The following PAQR5 variants were observed in gnomAD, a reference collection of about 807,000 sequenced individuals.
The protein encoded by PAQR5 is membrane progestin receptor gamma.
In PAQR5, 20 loss-of-function variants were observed where a neutral mutation model predicts 34.5. The ratio of observed to expected loss-of-function variants is 0.58; its 90% CI spans 0.41 to 0.84. The LOEUF is 0.84. Ranked by LOEUF, PAQR5 falls within the 40% of genes least tolerant of loss-of-function variation. The pLI, the probability that PAQR5 is intolerant of heterozygous loss-of-function variation, is 0.00. For synonymous variants in PAQR5, 131 were observed against 155.6 expected, an observed-to-expected ratio of 0.84 and a Z score of 1.18; for missense variants, 378 against 412.7, an observed-to-expected ratio of 0.92 and a Z score of 0.73.
At position 69,379,924 on chromosome 15, in the gene PAQR5, A is replaced by G. The variant is rs776127578; in HGVS notation, c.93A>G (p.Pro31=). 1 of 1,614,060 alleles carries G rather than the reference A, an allele frequency of 6.2e-7. No individual in the cohort carries two copies. Among genetic ancestry groups the G allele is most frequent in the African/African-American group, 1.3e-5 (1 of 74,932 alleles). The change falls in exon 4 of 9, where the codon CCA becomes CCG. Residue 31 remains proline (P), a synonymous_variant. Transcript: ENST00000395407. ...GCATCCTGTTCGGCTACCGCCATCC[A>G]CAGAGTTCTGCCACTGCCTGCATCC... is the stretch of plus-strand genomic sequence containing the variant. ...EQGILFGYRH[P]QSSATACILS...
intron 3 of PAQR5, among the ~76,000 whole-genome samples, chr15:69,366,189 ACAAATGG>A (rs2055398357): frequency 6.6e-6 from 1 of 152,220 alleles, no homozygotes; most frequent in African/African-American, 2.4e-5. Flanking sequence ...GATATCTCCC[ACAAATGG>A]GATTGTGCAA....
rs1204219653 is a variant in PAQR5 at position 69,300,948 on chromosome 15, CTTCTTTCTTTCTTTCT to C, written c.-277+1942_-277+1957del. 3.3e-3 allele frequency among the ~76,000 whole-genome samples: 12 copies of C among 3,642 alleles called. 3 individuals are homozygous for C. Among genetic ancestry groups the C allele is most frequent in the Non-Finnish European group, 9.5e-3 (9 of 944 alleles). 2.4% of individuals were successfully genotyped at this position (3,642 alleles called of 152,430 possible). The stretch of plus-strand genomic sequence containing the variant: ...CTCTCTCTCTCTCTCTCTTTCTTTC[CTTCTTTCTTTCTTTCT>C]TTCTTTCTTTCTTTCTTTCTTTCTT... On this transcript the variant is annotated intron_variant, in intron 1 of 8. Transcript: ENST00000395407.
intron 2 of PAQR5, among the ~76,000 whole-genome samples, chr15:69,355,344 T>TTTTC (rs202183150): frequency 1.1e-3 from 64 of 56,216 alleles, no homozygotes; most frequent in African/African-American, 4.3e-3. Flanking sequence ...TTCTTTCTTT[T>TTTTC]TTTCTTTCTT....
At chr15:69,343,603 T>C (rs2054694360) in intron 2 of PAQR5, among the ~76,000 whole-genome samples, 1 of 152,212 alleles carries the variant, frequency 6.6e-6, no homozygotes, top group African/African-American at 2.4e-5. Context: ...TTATTCACAA[T>C]AACTGTCTTT....
At chr15:69,351,636 C>A (rs955597354) in intron 2 of PAQR5, among the ~76,000 whole-genome samples, 1 of 152,198 alleles carries the variant, frequency 6.6e-6, no homozygotes, top group African/African-American at 2.4e-5. Context: ...CCTTATCTTT[C>A]CACAAGAGAT....
intron 1 of PAQR5, among the ~76,000 whole-genome samples, chr15:69,300,395 T>G (rs1247274788): frequency 6.6e-6 from 1 of 152,114 alleles, no homozygotes; most frequent in Admixed American, 6.5e-5. Context: ...CAGCAAAGCT[T>G]CTTTTCCAAC....
chr15:69,324,036 T>G (rs957469288), intron 1 of PAQR5, among the ~76,000 whole-genome samples: 1 of 151,758 alleles, frequency 6.6e-6, no homozygotes, highest in African/African-American at 2.4e-5. Context: ...TTTCCATTTT[T>G]CTCTGCAATG....
chr15:69,309,907 G>A (rs150009859), intron 1 of PAQR5, among the ~76,000 whole-genome samples: 48 of 152,170 alleles, frequency 3.2e-4, no homozygotes, highest in African/African-American at 1.1e-3. Flanking sequence ...AATTAGCCAG[G>A]CATGATGGTA....
intron 3 of PAQR5, among the ~76,000 whole-genome samples, chr15:69,362,614 G>C (rs547280117): frequency 3.2e-4 from 48 of 152,304 alleles, no homozygotes; most frequent in East Asian, 1.7e-3. Flanking sequence ...CTCAGCTTTG[G>C]CTTCTGTAAA....
intron 1 of PAQR5, among the ~76,000 whole-genome samples, chr15:69,305,951 G>C (rs2053706699): frequency 1.3e-5 from 2 of 152,160 alleles, no homozygotes; most frequent in African/African-American, 4.8e-5. Flanking sequence ...TGTGAGGTTT[G>C]GGATAGTACT....
chr15:69,353,743 C>T (rs2054986239), intron 2 of PAQR5, among the ~76,000 whole-genome samples: 1 of 152,172 alleles, frequency 6.6e-6, no homozygotes, highest in Non-Finnish European at 1.5e-5. Flanking sequence ...TCCCTAGTGA[C>T]CCACAAACAA....
intron 8 of PAQR5, 84 bp downstream of exon 8, chr15:69,400,199 G>A: frequency 2.2e-6 from 3 of 1,380,136 alleles, no homozygotes; most frequent in Non-Finnish European, 3.0e-6. Context: ...GCACGTAGCT[G>A]CAAAGGGCAG....
chr15:69,328,484 G>A (rs1414309861), intron 1 of PAQR5, among the ~76,000 whole-genome samples: 4 of 152,312 alleles, frequency 2.6e-5, no homozygotes, highest in South Asian at 4.1e-4. Flanking sequence ...GAGAGGAGTC[G>A]CTGGAGCCCG....
intron 1 of PAQR5, among the ~76,000 whole-genome samples, chr15:69,333,249 G>T (rs937633033): frequency 1.3e-5 from 2 of 152,140 alleles, no homozygotes; most frequent in Non-Finnish European, 2.9e-5. Flanking sequence ...TGGAAAAAAG[G>T]CTCTGTTTTC....
chr15:69,365,243 A>G (rs981219067), intron 3 of PAQR5, among the ~76,000 whole-genome samples: 2 of 151,954 alleles, frequency 1.3e-5, no homozygotes, highest in Non-Finnish European at 2.9e-5. Context: ...AGTAGCTGGG[A>G]CTACAGGCAA....
At chr15:69,349,889 G>A (rs945258390) in intron 2 of PAQR5, among the ~76,000 whole-genome samples, 1 of 151,990 alleles carries the variant, frequency 6.6e-6, no homozygotes, top group Non-Finnish European at 1.5e-5. Context: ...TGATCGGCCC[G>A]CCTTGGCCTC....
chr15:69,317,383 C>G (rs1030143625), intron 1 of PAQR5, among the ~76,000 whole-genome samples: 7 of 152,186 alleles, frequency 4.6e-5, no homozygotes, highest in Admixed American at 2.6e-4. Flanking sequence ...CCTTTCCCAT[C>G]TGTGCCCTGC....
rs760496618 is a variant in PAQR5 at position 69,403,664 on chromosome 15, A to T, written c.835A>T (p.Arg279Trp). The change falls in exon 9 of 9, where the codon AGG (arginine) becomes TGG (tryptophan). Residue 279 changes from arginine to tryptophan, a missense_variant. Arg to Trp is a moderately radical substitution (Grantham distance 101). Transcript: ENST00000395407. ...AGCCATACTTCTGGACAAGACTCTG[A>T]GGAAGGAATGGCTCCTGGCCACCTC... ...MEAILLDKTL[R>W]KEWLLATSKP... 1 of 1,614,132 alleles carries T rather than the reference A, an allele frequency of 6.2e-7. No individual in the cohort carries two copies. The highest frequency in any genetic ancestry group is 8.5e-7 in the Non-Finnish European group (1 of 1,180,008).
chr15:69,403,559 CG>C lies in PAQR5; in HGVS notation c.752-20del. On this transcript the variant is annotated intron_variant, in intron 8 of 8. Transcript: ENST00000395407. ...CATTCCTTTTCATTGCTGATCTTGA[CG>C]GCCTTTTGTGTTTGCCATAGGTCAC... 4 of 1,611,572 alleles carry C rather than the reference CG, an allele frequency of 2.5e-6. No homozygotes were observed. In the East Asian group the frequency reaches 8.9e-5, roughly 36 times the overall value.
Sources: gnomAD v4.1 joint callset for allele counts (sites outside exome capture counted in the v4.1 genomes callset) on GRCh38, gnomAD v4.1.1 for gene constraint, MANE v1.5 for transcripts, NCBI Gene and HGNC (gene_info 2026-07-23, HGNC 2026-07-21) for gene names.